Variants in NPHP1 observed in about 807,000 individuals in gnomAD.
NPHP1 encodes nephrocystin 1.
A neutral mutation model predicts 90.4 loss-of-function variants in NPHP1; 70 were observed. The observed-to-expected ratio is 0.77, with a 90% CI of 0.64 to 0.95. The LOEUF (loss-of-function observed/expected upper bound fraction) is 0.95, where lower values mean the gene tolerates loss of function less well. Ranked by LOEUF, NPHP1 falls within the 40% of genes least tolerant of loss-of-function variation. The probability of loss-of-function intolerance (pLI) is 0.00; values close to 1 mark genes in which losing one functional copy is unlikely to be tolerated. For missense variants in NPHP1, 764 were observed against 795.9 expected (o/e 0.96, Z 0.48); for synonymous variants, 256 against 271.7 (o/e 0.94, Z 0.57).
At chr2:110,134,503 C>G (rs1290085099) in intron 16 of NPHP1, among the ~76,000 whole-genome samples, 1 of 149,558 alleles carries the variant, frequency 6.7e-6, no homozygotes, top group African/African-American at 2.5e-5. Context: ...CAGAATTACC[C>G]TAGTAAAAAA....
chr2:110,131,683 A>G lies in NPHP1; in HGVS notation c.1638T>C (p.Ser546=). 1 of 1,600,520 alleles carries G rather than the reference A, an allele frequency of 6.2e-7. No individual in the cohort carries two copies. The highest frequency in any genetic ancestry group is 1.1e-5 in the South Asian group (1 of 90,790). Residue 546 remains serine (S), a synonymous_variant, in exon 17 of 20, where the codon AGT becomes AGC. Transcript: ENST00000445609. ...VLLKDRMSLQ[S]TDLISHPMLA... ...GAAGTGGCAAAGCCCACTTACCAGT[A>G]CTTTGCAAGCTCATCCTGTCTTTCA...
intron 2 of NPHP1, among the ~76,000 whole-genome samples, chr2:110,198,801 C>G (rs1019629396): frequency 1.4e-5 from 1 of 73,028 alleles, no homozygotes; most frequent in African/African-American, 4.2e-5. Context: ...AAGGACCCCT[C>G]TCTATCTAAC....
rs187252760 is a variant in NPHP1, at chr2:110,148,137, A to G, written c.1159-111T>C. ...AATTTCATGTTGAATTGTAATCCCA[A>G]TGTTGAAGGTGAGGCCTGGTGGGAG... On this transcript the variant is annotated intron_variant, in intron 12 of 19. Coordinates refer to ENST00000445609, the MANE Select transcript of NPHP1 (RefSeq NM_001128178.3). The G allele has an allele frequency of 2.6e-5, 20 of 775,616 alleles. 1 individual carries two copies. Among genetic ancestry groups the G allele is most frequent in the Middle Eastern group, 3.5e-4 (1 of 2,896 alleles). 48.0% of individuals were successfully genotyped at this position (775,616 alleles called of 1,614,324 possible).
intron 2 of NPHP1, among the ~76,000 whole-genome samples, chr2:110,193,404 CAAA>C (rs1684899453): frequency 6.6e-6 from 1 of 151,806 alleles, no homozygotes; most frequent in Non-Finnish European, 1.5e-5. Flanking sequence ...TCAAAAGAGA[CAAA>C]GAAGGCCATT....
In NPHP1 at chr2:110,164,684, C is replaced by T. The variant is rs1682591774; in HGVS notation, c.771+4G>A. The T allele has an allele frequency of 1.2e-6, 2 of 1,614,012 alleles. No homozygotes were observed. Among genetic ancestry groups the T allele is most frequent in the Non-Finnish European group, 1.7e-6 (2 of 1,179,984 alleles). ...ACATGATTAACAAGACAGAAGATGC[C>T]CGCCTCTGAAATCGCTTTCTGAACA... is the stretch of plus-strand genomic sequence containing the variant. On this transcript the variant is annotated splice_donor_region_variant and intron_variant, in intron 8 of 19. Transcript: ENST00000445609.
intron 11 of NPHP1, among the ~76,000 whole-genome samples, chr2:110,159,698 C>T (rs975941530): frequency 1.3e-5 from 2 of 151,964 alleles, no homozygotes; most frequent in African/African-American, 4.8e-5. Context: ...TCTCACTATG[C>T]ATCTTTCAGT....
chr2:110,136,580 C>CTTT (rs1680220360), intron 16 of NPHP1, among the ~76,000 whole-genome samples: 1 of 151,988 alleles, frequency 6.6e-6, no homozygotes, highest in Non-Finnish European at 1.5e-5. Context: ...ACAATTGCTA[C>CTTT]AAAGAGAATA....
chr2:110,198,047 C>T (rs1479365150), intron 2 of NPHP1, among the ~76,000 whole-genome samples: 2 of 151,956 alleles, frequency 1.3e-5, no homozygotes, highest in African/African-American at 4.8e-5. Flanking sequence ...ATGATTAAAA[C>T]GTTTGAAAAG....
Position 110,150,210 on chromosome 2 carries a change from T to G in NPHP1, c.1130A>C (p.Lys377Thr), listed in dbSNP as rs1441711189. 2 of 1,613,832 alleles carry G rather than the reference T, an allele frequency of 1.2e-6. No individual in the cohort carries two copies. The highest frequency in any genetic ancestry group is 1.7e-5 in the Admixed American group (1 of 60,014). Residue 377 changes from lysine to threonine, a missense_variant, in exon 12 of 20, where the codon AAG (lysine) becomes ACG (threonine). Physicochemically the swap from Lys to Thr is moderately conservative, Grantham distance 78 (BLOSUM62 -1). Coordinates refer to ENST00000445609, the MANE Select transcript of NPHP1 (RefSeq NM_001128178.3). ...GGGAGAAAAGGTCCATGTTTTGGGC[T>G]TTTTAGGTTGCCATGTGGCTCTGAC... ...HTVRATWQPK[K>T]PKTWTFSPQV...
chr2:110,181,058 A>G (rs1375661847), intron 2 of NPHP1, among the ~76,000 whole-genome samples: 1 of 152,148 alleles, frequency 6.6e-6, no homozygotes, highest in Admixed American at 6.5e-5. Context: ...CATGGCCCCC[A>G]CTTCCATGGC....
intron 10 of NPHP1, among the ~76,000 whole-genome samples, chr2:110,161,019 A>G (rs906281367): frequency 5.3e-5 from 8 of 151,956 alleles, no homozygotes; most frequent in African/African-American, 1.7e-4. Context: ...TACAAAAATT[A>G]CCTGGGCATG....
At chr2:110,150,285 A>C in intron 11 of NPHP1, 29 bp from the exon 12 acceptor site, 1 of 1,603,088 alleles carries the variant, frequency 6.2e-7, no homozygotes, top group Non-Finnish European at 8.5e-7. Context: ...TTTTGAAATC[A>C]TGTAAAAAGC....
In NPHP1 at chr2:110,200,851, T is replaced by C. The variant is rs17162343; in HGVS notation, c.143+570A>G. Among the ~76,000 whole-genome samples, 449 of 152,278 alleles carry C rather than the reference T, an allele frequency of 2.9e-3. 21 individuals are homozygous for C. In the East Asian group the frequency reaches 0.079, roughly 27 times the overall value. On this transcript the variant is annotated intron_variant, in intron 2 of 19. Transcript: ENST00000445609. ...ACTTAAGTAAAACTTCTCCAAACAA[T>C]TACAATTCACTTAAATTAATAGAAT...
chr2:110,161,525 T>C, intron 10 of NPHP1, 78 bp downstream of exon 10: 1 of 936,164 alleles, frequency 1.1e-6, no homozygotes, highest in African/African-American at 1.6e-5. Context: ...CATTAGTCAA[T>C]TAACATGTTG....
chr2:110,168,221 T>A (rs529569791), intron 6 of NPHP1, among the ~76,000 whole-genome samples: 2 of 152,186 alleles, frequency 1.3e-5, no homozygotes, highest in Non-Finnish European at 2.9e-5. Flanking sequence ...CCACAAAGCA[T>A]CCCCTCATTG....
At chr2:110,151,368 C>T (rs899560624) in intron 11 of NPHP1, among the ~76,000 whole-genome samples, 4 of 151,904 alleles carry the variant, frequency 2.6e-5, no homozygotes, top group Non-Finnish European at 5.9e-5. Context: ...ATAAAACTTA[C>T]ATAAAACAAT....
chr2:110,161,542 T>A (rs1682336265), intron 10 of NPHP1, 61 bp downstream of exon 10: 3 of 1,076,354 alleles, frequency 2.8e-6, no homozygotes, highest in Non-Finnish European at 4.3e-6. Context: ...GTTGTTTGTC[T>A]AATTGCAACT....
Position 110,129,203 on chromosome 2 carries a change from C to T in NPHP1, c.1699G>A (p.Val567Met). The part of the protein sequence containing the change: ...TFPMLLEQPD[V>M]MDALRSSWAG... ...CTACCCACCCTGAGAGCATCCATCA[C>T]ATCAGGCTGCTCCAAGAGCATGGGG... The change falls in exon 18 of 20, where the codon GTG becomes ATG. Residue 567 changes from valine (V) to methionine (M), a missense_variant. By Grantham distance (21) the Val-to-Met change is conservative. Transcript: ENST00000445609. 6.2e-7 allele frequency: 1 copy of T among 1,613,036 alleles called. No individual in the cohort carries two copies.
In NPHP1 at chr2:110,201,403, TA is replaced by T; in HGVS notation, c.143+17del. On this transcript the variant is annotated intron_variant, in intron 2 of 19. Coordinates refer to ENST00000445609, the MANE Select transcript of NPHP1 (RefSeq NM_001128178.3). Reference sequence around the variant, plus strand: ...AAGTGCGGTTCCTGTAAAGCTTATATAATTTAGCATACTTTACCTTTGATAA... The same window carrying T: ...AAGTGCGGTTCCTGTAAAGCTTATATATTTAGCATACTTTACCTTTGATAA... 6.6e-7 allele frequency: 1 copy of T among 1,509,672 alleles called. No individual in the cohort carries two copies. Among genetic ancestry groups the T allele is most frequent in the Non-Finnish European group, 9.2e-7 (1 of 1,087,858 alleles). The allele number at this position is 1,509,672 out of a possible 1,614,324, so 93.5% of individuals were successfully genotyped here. A position where few individuals can be genotyped will look rare whatever the true frequency, so the allele number is the denominator to read the frequency against.
Sources: gnomAD v4.1 joint callset for allele counts (sites outside exome capture counted in the v4.1 genomes callset) on GRCh38, gnomAD v4.1.1 for gene constraint, MANE v1.5 for transcripts, NCBI Gene and HGNC (gene_info 2026-07-23, HGNC 2026-07-21) for gene names.